CHRNA7: variants seen among roughly 807,000 people sequenced by gnomAD.
The protein encoded by CHRNA7 is neuronal acetylcholine receptor subunit alpha-7.
A neutral mutation model predicts 48.0 loss-of-function variants in CHRNA7; 17 were observed. The observed-to-expected ratio is 0.35, with a 90% CI of 0.24 to 0.53. CHRNA7 has a LOEUF of 0.53. CHRNA7 is among the 20% of genes least tolerant of loss of function. The pLI, the probability that CHRNA7 is intolerant of heterozygous loss-of-function variation, is 0.92. For synonymous variants in CHRNA7, 75 were observed against 242.3 expected, an observed-to-expected ratio of 0.31 and a Z score of 6.41; for missense variants, 155 against 577.7, an observed-to-expected ratio of 0.27 and a Z score of 7.50.
chr15:32,063,646 C>T (rs142052439), intron 2 of CHRNA7, among the ~76,000 whole-genome samples: 1,918 of 152,262 alleles, frequency 0.013, 36 homozygotes, highest in African/African-American at 0.043. Context: ...TTCAGCATCC[C>T]TCCCCTTCTT....
intron 2 of CHRNA7, among the ~76,000 whole-genome samples, chr15:32,095,150 CA>C (rs1434671177): frequency 1.3e-5 from 2 of 152,222 alleles, no homozygotes. Context: ...ATTGTGTCCC[CA>C]ACAAACAGAC....
chr15:32,151,211 A>G (rs1001496067), intron 4 of CHRNA7, among the ~76,000 whole-genome samples: 2 of 152,068 alleles, frequency 1.3e-5, no homozygotes, highest in Admixed American at 6.6e-5. Context: ...AGCTCATTAT[A>G]TCTCCTCTTT....
intron 4 of CHRNA7, among the ~76,000 whole-genome samples, chr15:32,124,261 T>C (rs777989944): frequency 3.2e-4 from 49 of 152,140 alleles, no homozygotes; most frequent in Non-Finnish European, 4.9e-4. Context: ...TTCACAAATA[T>C]AGATGAAAGA....
At chr15:32,108,481 C>T (rs930275888) in intron 3 of CHRNA7, among the ~76,000 whole-genome samples, 8 of 152,188 alleles carry the variant, frequency 5.3e-5, no homozygotes, top group South Asian at 2.1e-4. Context: ...ACCTAGGAAC[C>T]AAGTGCTTTC....
intron 2 of CHRNA7, among the ~76,000 whole-genome samples, chr15:32,095,212 G>A (rs139574941): frequency 2.8e-4 from 43 of 152,294 alleles, no homozygotes; most frequent in African/African-American, 9.4e-4. Context: ...TCTGTATCCC[G>A]AGAGGGCCAG....
intron 2 of CHRNA7, among the ~76,000 whole-genome samples, chr15:32,047,343 T>A (rs1168240991): frequency 1.3e-5 from 2 of 150,704 alleles, no homozygotes; most frequent in Non-Finnish European, 2.9e-5. Flanking sequence ...CTCTTTTATT[T>A]CATTGAGCAG....
At chr15:32,083,671 G>T (rs1409393704) in intron 2 of CHRNA7, among the ~76,000 whole-genome samples, 1 of 152,136 alleles carries the variant, frequency 6.6e-6, no homozygotes, top group Non-Finnish European at 1.5e-5. Flanking sequence ...TTTATTCCTA[G>T]CCAGTTCAGG....
At chr15:32,050,970 G>T (rs901619676) in intron 2 of CHRNA7, among the ~76,000 whole-genome samples, 6 of 152,166 alleles carry the variant, frequency 3.9e-5, no homozygotes, top group African/African-American at 1.4e-4. Flanking sequence ...GGATTTTCAT[G>T]ATCCGCGAAT....
In CHRNA7 at chr15:32,032,507, T is replaced by G. The variant is rs116452805; in HGVS notation, c.195+1470T>G. Among the ~76,000 whole-genome samples, 762 of 152,312 alleles carry G rather than the reference T, an allele frequency of 5.0e-3. 12 individuals carry two copies. The highest frequency in any genetic ancestry group is 0.018 in the African/African-American group (731 of 41,560). ...AATATGGAAACAACTTGAAGAGACC[T>G]TAAAGCTAGATATGTGATTATGGTC... On this transcript the variant is annotated intron_variant, in intron 2 of 9. Transcript: ENST00000306901.
Position 32,047,462 on chromosome 15 carries a change from GCT to G in CHRNA7, c.195+16430_195+16431del, listed in dbSNP as rs1392962023. On this transcript the variant is annotated intron_variant, in intron 2 of 9. Transcript: ENST00000306901. ...CGAATGGGAGTTCACTCATGATTTG[GCT>G]CTCTGTTTGTCTGTTATTGGTGTAT... 1.3e-4 allele frequency among the ~76,000 whole-genome samples: 20 copies of G among 152,086 alleles called. No homozygotes were observed. In the East Asian group the frequency reaches 2.1e-3, roughly 16 times the overall value.
intron 2 of CHRNA7, among the ~76,000 whole-genome samples, chr15:32,066,166 C>CA (rs1422269918): frequency 2.0e-5 from 3 of 152,182 alleles, no homozygotes. Context: ...AGTGAGTATA[C>CA]ACAACAAAAG....
chr15:32,107,003 C>G (rs1296389346), intron 3 of CHRNA7, among the ~76,000 whole-genome samples: 2 of 152,182 alleles, frequency 1.3e-5, no homozygotes. Context: ...AGGTGAAGAG[C>G]GATGTGTCAA....
chr15:32,096,562 C>T (rs2050472277), intron 2 of CHRNA7, among the ~76,000 whole-genome samples: 1 of 151,034 alleles, frequency 6.6e-6, no homozygotes, highest in Non-Finnish European at 1.5e-5. Flanking sequence ...ATTTTCTCTG[C>T]AAACAAGAAT....
intron 2 of CHRNA7, among the ~76,000 whole-genome samples, chr15:32,051,968 C>A (rs1272430037): frequency 6.6e-6 from 1 of 152,194 alleles, no homozygotes; most frequent in Admixed American, 6.5e-5. Flanking sequence ...TGAGCCACTG[C>A]ACCTGGCCCT....
intron 2 of CHRNA7, among the ~76,000 whole-genome samples, chr15:32,092,872 CT>C: frequency 6.6e-6 from 1 of 152,256 alleles, no homozygotes; most frequent in East Asian, 1.9e-4. Context: ...AACTCAGTTC[CT>C]TAGAGGACCC....
intron 6 of CHRNA7, 110 bp from the exon 7 acceptor site, chr15:32,158,300 TTA>T: frequency 6.0e-6 from 5 of 828,426 alleles, no homozygotes; most frequent in African/African-American, 5.7e-5. Context: ...TTTTTTTTTT[TTA>T]GCACTTTGCA....
chr15:32,149,526 T>C lies in CHRNA7; in HGVS notation c.351-4381T>C, dbSNP rs1183527312. ...AAACTCATCTTATCTCCACCCCTAA[T>C]GCTCAAAACAGATAAAGTAGTATTA... is the stretch of plus-strand genomic sequence containing the variant. On this transcript the variant is annotated intron_variant, in intron 4 of 9. Coordinates refer to ENST00000306901, the MANE Select transcript of CHRNA7 (RefSeq NM_000746.6). This position sits in a 1 kb window ranked among gnomAD's most constrained non-coding sequence, Gnocchi z 4.6. Among the ~76,000 whole-genome samples the C allele has an allele frequency of 6.6e-6, 1 of 152,184 alleles. No individual in the cohort carries two copies. Among genetic ancestry groups the C allele is most frequent in the African/African-American group, 2.4e-5 (1 of 41,454 alleles).
At chr15:32,131,477 A>G (rs1250619971) in intron 4 of CHRNA7, among the ~76,000 whole-genome samples, 2 of 152,066 alleles carry the variant, frequency 1.3e-5, no homozygotes, top group Non-Finnish European at 2.9e-5. Context: ...CCCAGCCTAC[A>G]TGTTGGTAAT....
At chr15:32,159,348 T>C in intron 7 of CHRNA7, 1 of 442,392 alleles carries the variant, frequency 2.3e-6, no homozygotes, top group South Asian at 3.2e-5. Context: ...TTCTGGGTCC[T>C]AAACTTGTCT....
Sources: gnomAD v4.1 joint callset for allele counts (sites outside exome capture counted in the v4.1 genomes callset) on GRCh38, gnomAD v4.1.1 for gene constraint, Gnocchi (gnomAD v3.1) non-coding constraint, MANE v1.5 for transcripts, NCBI Gene and HGNC (gene_info 2026-07-23, HGNC 2026-07-21) for gene names.